EP400: variants seen among roughly 807,000 people sequenced by gnomAD.
EP400 encodes the protein E1A-binding protein p400.
EP400 carries 105 observed loss-of-function variants against 354.1 expected under a neutral mutation model. The ratio of observed to expected loss-of-function variants is 0.30; its 90% CI spans 0.25 to 0.35. EP400 has a LOEUF of 0.35. Ranked by LOEUF, EP400 falls within the 10% of genes least tolerant of loss-of-function variation. EP400 has a pLI of 1.00. For synonymous variants in EP400, 1,646 were observed against 1,716.9 expected, an observed-to-expected ratio of 0.96 and a Z score of 1.02; for missense variants, 3,280 against 4,121.0, an observed-to-expected ratio of 0.80 and a Z score of 5.59.
intron 15 of EP400, among the ~76,000 whole-genome samples, chr12:132,007,628 C>T (rs1446989654): frequency 6.6e-6 from 1 of 152,218 alleles, no homozygotes; most frequent in Non-Finnish European, 1.5e-5. Flanking sequence ...GACAAGGTTT[C>T]ACTGTTCTTG....
rs754032425 is a variant in EP400 at position 132,028,044 on chromosome 12, C to T, written c.5137C>T (p.Arg1713Cys). The stretch of plus-strand genomic sequence containing the variant: ...GGAAAAGACCAGACTCTTGAAAGAG[C>T]GCCTGGATCAGATTTATTTAGTCAA... ...QEEKTRLLKERLDQIYLVNER... is the reference protein window; with the variant it reads ...QEEKTRLLKECLDQIYLVNER... The change falls in exon 27 of 53, where the codon CGC (arginine) becomes TGC (cysteine). Residue 1713 changes from arginine (R) to cysteine (C), a missense_variant. Physicochemically the swap from Arg to Cys is radical, Grantham distance 180. Transcript: ENST00000389561. 21 of 1,613,764 alleles carry T rather than the reference C, an allele frequency of 1.3e-5. No homozygotes were observed. The highest frequency in any genetic ancestry group is 1.7e-5 in the Admixed American group (1 of 59,994).
chr12:132,067,368 C>G lies in EP400; in HGVS notation c.8756C>G (p.Thr2919Ser). 1 of 1,613,402 alleles carries G rather than the reference C, an allele frequency of 6.2e-7. No individual in the cohort carries two copies. Among genetic ancestry groups the G allele is most frequent in the Non-Finnish European group, 8.5e-7 (1 of 1,179,990 alleles). Residue 2919 changes from threonine to serine, a missense_variant, in exon 50 of 53, where the codon ACC becomes AGC. By Grantham distance (58) the Thr-to-Ser change is moderately conservative (BLOSUM62 1). Transcript: ENST00000389561. The surrounding 1 kb of genome is among the most constrained non-coding windows in gnomAD (Gnocchi z 5.3). ...GGGCTTTTGCTGCCTGCAGGACAGA[C>G]CGTGGTGGCCCAGCCCGTGCACATG... ...IGQPQKAAGQ[T>S]VVAQPVHMQQ...
intron 39 of EP400, among the ~76,000 whole-genome samples, chr12:132,048,261 G>T (rs1458921139): frequency 6.6e-6 from 1 of 152,204 alleles, no homozygotes; most frequent in East Asian, 1.9e-4. Flanking sequence ...CTGGGGAAGT[G>T]ATAAGTGTCC....
At chr12:131,950,908 A>G (rs897155301) in intron 1 of EP400, among the ~76,000 whole-genome samples, 1 of 149,128 alleles carries the variant, frequency 6.7e-6, no homozygotes, top group Non-Finnish European at 1.5e-5. Context: ...TTGTTTTGTT[A>G]TTTTCTTTTG....
chr12:132,021,899 T>C (rs1047977045), intron 23 of EP400, among the ~76,000 whole-genome samples: 1 of 152,230 alleles, frequency 6.6e-6, no homozygotes, highest in Non-Finnish European at 1.5e-5. Context: ...GTGGGATTAG[T>C]ATGTTTTCAA....
intron 33 of EP400, 55 bp downstream of exon 33, chr12:132,043,517 A>G (rs1178161226): frequency 1.9e-6 from 3 of 1,595,288 alleles, no homozygotes; most frequent in Non-Finnish European, 2.6e-6. Context: ...ACGCTTCTAT[A>G]AAATATTTAT....
chr12:132,072,475 CTT>C (rs1382396313), intron 51 of EP400, among the ~76,000 whole-genome samples: 3 of 152,160 alleles, frequency 2.0e-5, no homozygotes, highest in Non-Finnish European at 4.4e-5. Context: ...TTTCCAGTTA[CTT>C]TTTATTATTG....
At chr12:132,036,312 A>G (rs1287394264) in intron 30 of EP400, among the ~76,000 whole-genome samples, 1 of 150,034 alleles carries the variant, frequency 6.7e-6, no homozygotes, top group Non-Finnish European at 1.5e-5. Context: ...GGAAGCACAC[A>G]CCCAGGTTCA....
At chr12:131,953,862 A>G (rs200672094) in intron 1 of EP400, among the ~76,000 whole-genome samples, 1 of 151,740 alleles carries the variant, frequency 6.6e-6, no homozygotes, top group Non-Finnish European at 1.5e-5. Context: ...CCTGTAATCC[A>G]AGCACTTTGG....
At position 132,050,610 on chromosome 12, in the gene EP400, A is replaced by G. The variant is rs1208163806; in HGVS notation, c.7349A>G (p.Asn2450Ser). The G allele has an allele frequency of 1.2e-6, 2 of 1,614,208 alleles. No homozygotes were observed. The highest frequency in any genetic ancestry group is 1.7e-6 in the Non-Finnish European group (2 of 1,180,044). The change falls in exon 41 of 53, where the codon AAT (asparagine) becomes AGT (serine). Residue 2450 changes from asparagine (N) to serine (S), a missense_variant. By Grantham distance (46) the Asn-to-Ser change is conservative (BLOSUM62 1). Coordinates refer to ENST00000389561, the MANE Select transcript of EP400 (RefSeq NM_015409.5). The surrounding 1 kb of genome is among the most constrained non-coding windows in gnomAD (Gnocchi z 4.8). ...SPPIKPLLGM[N>S]PFQKNPKHAS... ...TGTCTATACTTCAGGCTTGGCATGAATCCCTTTCAGAAGAACCCCAAGCAC... is the reference window on the plus strand; with the variant it reads ...TGTCTATACTTCAGGCTTGGCATGAGTCCCTTTCAGAAGAACCCCAAGCAC...
chr12:132,015,980 A>G (rs777828123), intron 19 of EP400, among the ~76,000 whole-genome samples: 11 of 152,000 alleles, frequency 7.2e-5, no homozygotes, highest in Admixed American at 7.2e-4. Flanking sequence ...CAGACTCCCT[A>G]CCTGCCCAGA....
intron 1 of EP400, among the ~76,000 whole-genome samples, chr12:131,954,242 A>G (rs1049522584): frequency 1.3e-5 from 2 of 151,832 alleles, no homozygotes; most frequent in Non-Finnish European, 2.9e-5. Context: ...AAAAAAACCA[A>G]CACATTTCAA....
At chr12:132,007,902 C>A (rs1893636603) in intron 15 of EP400, among the ~76,000 whole-genome samples, 1 of 151,604 alleles carries the variant, frequency 6.6e-6, no homozygotes. Flanking sequence ...GTCCAAGTAG[C>A]TTAAGGAGAG....
chr12:131,991,459 A>G lies in EP400; in HGVS notation c.2679+3A>G, dbSNP rs760743738. 1.1e-5 allele frequency: 18 copies of G among 1,613,912 alleles called. No homozygotes were observed. Among genetic ancestry groups the G allele is most frequent in the South Asian group, 9.9e-5 (9 of 91,076 alleles). ...ACGCATTACAGGAAAGTTCTCTGGT[A>G]AGTTTGGGGTTGTTACTGTGCTGTG... On this transcript the variant is annotated splice_donor_region_variant and intron_variant, in intron 10 of 52. Coordinates refer to ENST00000389561, the MANE Select transcript of EP400 (RefSeq NM_015409.5).
intron 1 of EP400, among the ~76,000 whole-genome samples, chr12:131,951,096 T>C (rs1233533323): frequency 1.4e-5 from 2 of 146,998 alleles, no homozygotes; most frequent in Non-Finnish European, 1.5e-5. Flanking sequence ...TTTTGGATTT[T>C]TAGTAGAGAC....
chr12:132,044,162 T>C lies in EP400; in HGVS notation c.6451-15T>C. 1 of 1,612,452 alleles carries C rather than the reference T, an allele frequency of 6.2e-7. No individual in the cohort carries two copies. The highest frequency in any genetic ancestry group is 8.5e-7 in the Non-Finnish European group (1 of 1,178,674). Reference sequence around the variant, plus strand: ...CACTCCTGATCCTGAAAGTTCTTGCTGCTCTCCCCGTCAGGACGCAGTGAT... The same window carrying C: ...CACTCCTGATCCTGAAAGTTCTTGCCGCTCTCCCCGTCAGGACGCAGTGAT... On this transcript the variant is annotated splice_polypyrimidine_tract_variant and intron_variant, in intron 34 of 52. Transcript: ENST00000389561.
Position 132,067,636 on chromosome 12 carries a change from C to T in EP400, c.8874+150C>T. On this transcript the variant is annotated intron_variant, in intron 50 of 52. Coordinates refer to ENST00000389561, the MANE Select transcript of EP400 (RefSeq NM_015409.5). The surrounding 1 kb of genome is among the most constrained non-coding windows in gnomAD (Gnocchi z 5.3). Reference sequence around the variant, plus strand: ...GGGCTGGAGGTGCTAGTGTGGTCATCCCTGTTGGTTTTTCCTTCCTTTAAA... The same window carrying T: ...GGGCTGGAGGTGCTAGTGTGGTCATTCCTGTTGGTTTTTCCTTCCTTTAAA... 8.8e-7 allele frequency: 1 copy of T among 1,139,994 alleles called. No homozygotes were observed. The highest frequency in any genetic ancestry group is 1.5e-5 in the South Asian group (1 of 64,844). 70.6% of individuals were successfully genotyped at this position (1,139,994 alleles called of 1,614,324 possible). A position where few individuals can be genotyped will look rare whatever the true frequency, so the allele number is the denominator to read the frequency against.
chr12:131,971,340 A>G (rs1030379422), intron 2 of EP400, among the ~76,000 whole-genome samples: 3 of 152,218 alleles, frequency 2.0e-5, no homozygotes, highest in African/African-American at 4.8e-5. Context: ...TTTGTTACCA[A>G]ATAGTATTCC....
chr12:131,995,674 C>T (rs1480496316), intron 12 of EP400, among the ~76,000 whole-genome samples: 7 of 124,046 alleles, frequency 5.6e-5, no homozygotes, highest in South Asian at 2.8e-4. Context: ...GAGAACTTCA[C>T]GTGAATGAAT....
Sources: gnomAD v4.1 joint callset for allele counts (sites outside exome capture counted in the v4.1 genomes callset) on GRCh38, gnomAD v4.1.1 for gene constraint, Gnocchi (gnomAD v3.1) non-coding constraint, MANE v1.5 for transcripts, NCBI Gene and HGNC (gene_info 2026-07-23, HGNC 2026-07-21) for gene names.